ELP1: variants seen among roughly 807,000 people sequenced by gnomAD.
The protein encoded by ELP1 is elongator acetyltransferase complex subunit 1, also known as elongator complex protein 1.
In ELP1, 131 loss-of-function variants were observed where a neutral mutation model predicts 183.2. That is an observed-to-expected ratio of 0.72 (90% CI 0.62 to 0.83). ELP1 has a LOEUF of 0.83. Among genes scored for constraint, ELP1 ranks in the 40% least tolerant of loss-of-function variants. ELP1 has a pLI of 0.00. For missense variants in ELP1, 1,550 were observed against 1,594.9 expected (o/e 0.97, Z 0.48); for synonymous variants, 555 against 569.0 (o/e 0.98, Z 0.35).
intron 2 of ELP1, 123 bp downstream of exon 2, chr9:108,930,874 A>G (rs1829981033): frequency 1.1e-6 from 1 of 906,272 alleles, no homozygotes; most frequent in Non-Finnish European, 1.8e-6. Context: ...GAAGCAAAAG[A>G]TGTTTATTTG....
At chr9:108,888,532 G>GT (rs1192663203) in intron 29 of ELP1, among the ~76,000 whole-genome samples, 1 of 152,078 alleles carries the variant, frequency 6.6e-6, no homozygotes, top group Non-Finnish European at 1.5e-5. Flanking sequence ...CCTCGATGTG[G>GT]TATATCTTTC....
intron 29 of ELP1, among the ~76,000 whole-genome samples, chr9:108,888,066 T>C (rs1828196074): frequency 1.3e-5 from 2 of 152,212 alleles, no homozygotes; most frequent in African/African-American, 4.8e-5. Context: ...CATATACATA[T>C]AATGGGATAC....
rs1402616534 is a variant in ELP1, at chr9:108,874,960, G to A, written c.3866C>T (p.Pro1289Leu). The change falls in exon 36 of 37, where the codon CCC becomes CTC. Residue 1289 changes from proline (P) to leucine (L), a missense_variant. Physicochemically the swap from Pro to Leu is moderately conservative, Grantham distance 98. Coordinates refer to ENST00000374647, the MANE Select transcript of ELP1 (RefSeq NM_003640.5). ...CATGATACTATTTGCAGTAGAATTGGGACCTAGAACCTGAGGAGAAAATAG... is the reference window on the plus strand; with the variant it reads ...CATGATACTATTTGCAGTAGAATTGAGACCTAGAACCTGAGGAGAAAATAG... Reference protein sequence around the residue: ...QQNSATPVLGPNSTANSIMAS... With the variant: ...QQNSATPVLGLNSTANSIMAS... 6.2e-7 allele frequency: 1 copy of A among 1,609,508 alleles called. No individual in the cohort carries two copies. The highest frequency in any genetic ancestry group is 1.7e-5 in the Admixed American group (1 of 59,994).
At chr9:108,926,120 A>G (rs1829817195) in intron 5 of ELP1, among the ~76,000 whole-genome samples, 1 of 152,224 alleles carries the variant, frequency 6.6e-6, no homozygotes, top group South Asian at 2.1e-4. Context: ...GCTAGATTTT[A>G]GCAAGAAAAT....
At position 108,874,987 on chromosome 9, in the gene ELP1, C is replaced by T; in HGVS notation, c.3856-17G>A. ...ACCTAGAACCTGAGGAGAAAATAGA[C>T]TGTATCAGCAAAGATTATCTAATAC... On this transcript the variant is annotated splice_polypyrimidine_tract_variant and intron_variant, in intron 35 of 36. Coordinates refer to ENST00000374647, the MANE Select transcript of ELP1 (RefSeq NM_003640.5). 1 of 1,549,816 alleles carries T rather than the reference C, an allele frequency of 6.5e-7. No homozygotes were observed. The highest frequency in any genetic ancestry group is 2.2e-5 in the East Asian group (1 of 44,556).
chr9:108,932,704 C>T (rs1228530215), intron 1 of ELP1, among the ~76,000 whole-genome samples: 1 of 152,024 alleles, frequency 6.6e-6, no homozygotes, highest in African/African-American at 2.4e-5. Context: ...AATTTCACAC[C>T]CATCAGCCTT....
chr9:108,923,401 T>C (rs1829724626), intron 5 of ELP1, among the ~76,000 whole-genome samples: 1 of 152,158 alleles, frequency 6.6e-6, no homozygotes, highest in African/African-American at 2.4e-5. Context: ...ACCCATTTCA[T>C]ATTATATGCA....
intron 1 of ELP1, among the ~76,000 whole-genome samples, chr9:108,933,492 C>A (rs1830067645): frequency 6.6e-6 from 1 of 152,220 alleles, no homozygotes; most frequent in African/African-American, 2.4e-5. Flanking sequence ...GACACCACCT[C>A]CACGAAAAAG....
At chr9:108,905,660 G>C (rs1828990443) in intron 14 of ELP1, among the ~76,000 whole-genome samples, 1 of 152,186 alleles carries the variant, frequency 6.6e-6, no homozygotes, top group Admixed American at 6.5e-5. Flanking sequence ...TCTGAGAAAT[G>C]TGTTGTTAGG....
At chr9:108,927,769 T>C (rs186111035) in intron 3 of ELP1, among the ~76,000 whole-genome samples, 1 of 152,152 alleles carries the variant, frequency 6.6e-6, no homozygotes, top group Non-Finnish European at 1.5e-5. Flanking sequence ...TTACATTAAG[T>C]GAAATAAACC....
Position 108,912,369 on chromosome 9 carries a change from G to A in ELP1, c.1084C>T (p.Leu362Phe), listed in dbSNP as rs774132326. ...GCGAGGTAATGCCAGCCCTGACAGA[G>A]AACATGCAGCCGGTATGGGGTCACA... ...DPVTPYRLHV[L>F]CQGWHYLAYD... The change falls in exon 11 of 37, where the codon CTC becomes TTC. Residue 362 changes from leucine to phenylalanine, a missense_variant. Coordinates refer to ENST00000374647, the MANE Select transcript of ELP1 (RefSeq NM_003640.5). 28 of 1,614,076 alleles carry A rather than the reference G, an allele frequency of 1.7e-5. No individual in the cohort carries two copies. Among genetic ancestry groups the A allele is most frequent in the Non-Finnish European group, 2.2e-5 (26 of 1,180,048 alleles).
chr9:108,868,979 T>C lies in ELP1; in HGVS notation c.*136A>G. On this transcript the variant is annotated 3_prime_UTR_variant, in exon 37 of 37. Coordinates refer to ENST00000374647, the MANE Select transcript of ELP1 (RefSeq NM_003640.5). ...AATTGCTTGTTGTCTGCTGAAGTTC[T>C]TGGCAATGCTAAGGTAAGTTATCAT... 1.3e-6 allele frequency: 1 copy of C among 768,980 alleles called. No homozygotes were observed. Among genetic ancestry groups the C allele is most frequent in the South Asian group, 1.4e-5 (1 of 70,962 alleles). 47.6% of individuals were successfully genotyped at this position (768,980 alleles called of 1,614,324 possible). A position where few individuals can be genotyped will look rare whatever the true frequency, so the allele number is the denominator to read the frequency against.
At position 108,903,594 on chromosome 9, in the gene ELP1, C is replaced by A; in HGVS notation, c.1719G>T (p.Leu573=). The A allele has an allele frequency of 6.2e-7, 1 of 1,613,710 alleles. No homozygotes were observed. The highest frequency in any genetic ancestry group is 8.5e-7 in the Non-Finnish European group (1 of 1,179,780). ...GGTACTTAAATATCTGGCCATCAGC[C>A]AGCTGTAATACTACTGACTTGGTCT... ...NSKTKSVVLQ[L]ADGQIFKYLW... Residue 573 remains leucine, a synonymous_variant, in exon 15 of 37, where the codon CTG becomes CTT. Coordinates refer to ENST00000374647, the MANE Select transcript of ELP1 (RefSeq NM_003640.5).
At position 108,906,320 on chromosome 9, in the gene ELP1, A is replaced by G. The variant is rs149396381; in HGVS notation, c.1626T>C (p.His542=). ...TGCAATACCTGACATTGAGCTGTCCATGCTCTTCATCCATCTCAGAAGAAG... is the reference window on the plus strand; with the variant it reads ...TGCAATACCTGACATTGAGCTGTCCGTGCTCTTCATCCATCTCAGAAGAAG... ...TAASSEMDEE[H]GQLNVSSSAA... is the part of the protein sequence containing the mutation. Residue 542 remains histidine, a synonymous_variant, in exon 14 of 37, where the codon CAT becomes CAC. Transcript: ENST00000374647. 5 of 1,614,014 alleles carry G rather than the reference A, an allele frequency of 3.1e-6. No homozygotes were observed. Among genetic ancestry groups the G allele is most frequent in the Non-Finnish European group, 4.2e-6 (5 of 1,179,866 alleles).
chr9:108,921,095 C>A (rs1363857540), intron 6 of ELP1, among the ~76,000 whole-genome samples: 1 of 152,130 alleles, frequency 6.6e-6, no homozygotes, highest in Non-Finnish European at 1.5e-5. Context: ...TTGAAGTACA[C>A]AATTCAATGC....
rs188033503 is a variant in ELP1, at chr9:108,912,531, G to A, written c.959-37C>T. On this transcript the variant is annotated intron_variant, in intron 10 of 36. Transcript: ENST00000374647. Reference sequence around the variant, plus strand: ...AATGAAAAGAAGGCCGTTAGAGGCTGGGAAGCAGACTTCATCCCACTTGCC... The same window carrying A: ...AATGAAAAGAAGGCCGTTAGAGGCTAGGAAGCAGACTTCATCCCACTTGCC... The A allele has an allele frequency of 8.0e-6, 12 of 1,494,484 alleles. No individual in the cohort carries two copies. The Middle Eastern group carries it at 8.6e-4, about 107-fold the overall frequency. 92.6% of individuals were successfully genotyped at this position (1,494,484 alleles called of 1,614,324 possible).
At chr9:108,887,693 T>C (rs1828177664) in intron 29 of ELP1, among the ~76,000 whole-genome samples, 1 of 152,192 alleles carries the variant, frequency 6.6e-6, no homozygotes, top group South Asian at 2.1e-4. Context: ...GCCAAGATTC[T>C]TGGCCCATTG....
In ELP1 at chr9:108,913,227, T is replaced by C. The variant is rs536675177; in HGVS notation, c.959-733A>G. Among the ~76,000 whole-genome samples, 169 of 152,326 alleles carry C rather than the reference T, an allele frequency of 1.1e-3. 2 individuals carry two copies. The highest frequency in any genetic ancestry group is 6.8e-3 in the Middle Eastern group (2 of 294). ...TAATCCAAGATCTAGACTAGCATCA[T>C]TGTGTTGTATTGGGCTTAAGATGCT... is the stretch of plus-strand genomic sequence containing the variant. On this transcript the variant is annotated intron_variant, in intron 10 of 36. Transcript: ENST00000374647.
chr9:108,927,338 A>T (rs959416033), intron 4 of ELP1, 34 bp downstream of exon 4: 19 of 1,548,852 alleles, frequency 1.2e-5, no homozygotes, highest in East Asian at 2.2e-5. Context: ...ATAATGTTTT[A>T]AAAAAGCCAG....
Sources: gnomAD v4.1 joint callset for allele counts (sites outside exome capture counted in the v4.1 genomes callset) on GRCh38, gnomAD v4.1.1 for gene constraint, MANE v1.5 for transcripts, NCBI Gene and HGNC (gene_info 2026-07-23, HGNC 2026-07-21) for gene names.